The following KCNAB1 variants were observed in gnomAD, a reference collection of about 807,000 sequenced individuals.
The protein encoded by KCNAB1 is potassium voltage-gated channel subfamily A regulatory beta subunit 1, also known as voltage-gated potassium channel subunit beta-1.
Under a neutral mutation model 64.6 loss-of-function variants are expected in KCNAB1, and 35 were observed. The observed-to-expected ratio is 0.54, with a 90% CI of 0.41 to 0.72. The LOEUF (loss-of-function observed/expected upper bound fraction) is 0.72. Ranked by LOEUF, KCNAB1 falls within the 30% of genes least tolerant of loss-of-function variation. The pLI, the probability that KCNAB1 is intolerant of heterozygous loss-of-function variation, is 0.00. For synonymous variants in KCNAB1, 177 were observed against 183.8 expected, an observed-to-expected ratio of 0.96 and a Z score of 0.30; for missense variants, 401 against 512.9, an observed-to-expected ratio of 0.78 and a Z score of 2.11.
At chr3:156,336,076 C>T (rs1388387512) in intron 1 of KCNAB1, among the ~76,000 whole-genome samples, 1 of 151,892 alleles carries the variant, frequency 6.6e-6, no homozygotes, top group African/African-American at 2.4e-5. Flanking sequence ...TTAAAAGTAA[C>T]AGGCCAGGCG....
At chr3:156,522,836 ATTATG>A (rs1718046391) in intron 11 of KCNAB1, among the ~76,000 whole-genome samples, 2 of 123,378 alleles carry the variant, frequency 1.6e-5, no homozygotes, top group Admixed American at 1.8e-4. Flanking sequence ...GCTATTATGT[ATTATG>A]TCACAATTAC....
chr3:156,323,531 C>T (rs185414148), intron 1 of KCNAB1, among the ~76,000 whole-genome samples: 7 of 152,240 alleles, frequency 4.6e-5, no homozygotes, highest in Admixed American at 3.3e-4. Context: ...AGTCTTTCAA[C>T]CATTAAAAAT....
intron 1 of KCNAB1, among the ~76,000 whole-genome samples, chr3:156,156,317 G>A (rs998083139): frequency 6.6e-6 from 1 of 151,154 alleles, no homozygotes; most frequent in Non-Finnish European, 1.5e-5. Flanking sequence ...TAAAGGTGGT[G>A]GCTTCTAGTC....
intron 1 of KCNAB1, among the ~76,000 whole-genome samples, chr3:156,281,337 C>A (rs1241287880): frequency 6.6e-6 from 1 of 152,136 alleles, no homozygotes; most frequent in African/African-American, 2.4e-5. Context: ...GGTGGATAAG[C>A]TTTTTGATGT....
chr3:156,515,583 A>G (rs2679595), intron 10 of KCNAB1, among the ~76,000 whole-genome samples: 78,252 of 152,052 alleles, frequency 0.51, 20,645 homozygotes, highest in African/African-American at 0.62. Context: ...AAAAAAAATC[A>G]TGGATATATA....
At chr3:156,148,122 G>A (rs990656162) in intron 1 of KCNAB1, among the ~76,000 whole-genome samples, 3 of 152,208 alleles carry the variant, frequency 2.0e-5, no homozygotes, top group African/African-American at 7.2e-5. Flanking sequence ...CCTTCTGCCA[G>A]AATCATTGAG....
intron 1 of KCNAB1, among the ~76,000 whole-genome samples, chr3:156,195,675 T>C (rs1159605135): frequency 1.3e-5 from 2 of 152,246 alleles, no homozygotes; most frequent in Non-Finnish European, 2.9e-5. Flanking sequence ...TCTTTGTAGA[T>C]TCTGGATATT....
chr3:156,266,584 G>A (rs570862822), intron 1 of KCNAB1, among the ~76,000 whole-genome samples: 53 of 152,290 alleles, frequency 3.5e-4, no homozygotes, highest in African/African-American at 1.3e-3. Context: ...GCCAACTATA[G>A]AGAGGGTTAA....
chr3:156,143,082 A>G (rs187348492), intron 1 of KCNAB1: 2 of 1,460,830 alleles, frequency 1.4e-6, no homozygotes, highest in Admixed American at 2.6e-5. Context: ...TGAGGGACAT[A>G]CTGAAGCCAG....
intron 1 of KCNAB1, among the ~76,000 whole-genome samples, chr3:156,153,097 A>G (rs1715512347): frequency 6.7e-6 from 1 of 150,132 alleles, no homozygotes; most frequent in Admixed American, 6.6e-5. Context: ...ATATTTGCTG[A>G]ATAAATAAAT....
chr3:156,379,098 C>A (rs1260896357), intron 1 of KCNAB1, among the ~76,000 whole-genome samples: 2 of 152,194 alleles, frequency 1.3e-5, no homozygotes, highest in Non-Finnish European at 2.9e-5. Flanking sequence ...CTGTTTTAAT[C>A]CCTCTGGGAA....
At chr3:156,533,830 G>C (rs1226494251) in intron 13 of KCNAB1, among the ~76,000 whole-genome samples, 2 of 152,188 alleles carry the variant, frequency 1.3e-5, no homozygotes, top group Non-Finnish European at 2.9e-5. Flanking sequence ...CCTGGGGGCA[G>C]TCATAGTGCC....
intron 1 of KCNAB1, among the ~76,000 whole-genome samples, chr3:156,374,065 G>A (rs1711510980): frequency 6.6e-6 from 1 of 152,196 alleles, no homozygotes; most frequent in African/African-American, 2.4e-5. Flanking sequence ...TTCTTCATCT[G>A]TAAGATGAGG....
chr3:156,409,586 G>A (rs1714494734), intron 1 of KCNAB1, among the ~76,000 whole-genome samples: 1 of 152,212 alleles, frequency 6.6e-6, no homozygotes, highest in Non-Finnish European at 1.5e-5. Flanking sequence ...TGTGTTTATG[G>A]GAAGGAGCTT....
chr3:156,502,595 C>G (rs1337735007), intron 8 of KCNAB1, among the ~76,000 whole-genome samples: 1 of 150,110 alleles, frequency 6.7e-6, no homozygotes, highest in East Asian at 1.9e-4. Flanking sequence ...GAATCAGAAA[C>G]TTAGGTGACA....
Position 156,128,893 on chromosome 3 carries a change from A to G in KCNAB1, c.275+8007A>G, listed in dbSNP as rs188161441. On this transcript the variant is annotated intron_variant, in intron 1 of 13. Coordinates refer to ENST00000490337, the MANE Select transcript of KCNAB1 (RefSeq NM_172160.3). ...GCAAGGGTAAGTTTTAAAATAAATG[A>G]GTCAATTGAGAGGAAAACATTCACT... 1.1e-3 allele frequency among the ~76,000 whole-genome samples: 167 copies of G among 152,356 alleles called. 1 individual carries two copies. The highest frequency in any genetic ancestry group is 3.9e-3 in the African/African-American group (162 of 41,582).
At chr3:156,204,395 G>T (rs1714525859) in intron 1 of KCNAB1, among the ~76,000 whole-genome samples, 1 of 152,116 alleles carries the variant, frequency 6.6e-6, no homozygotes, top group Non-Finnish European at 1.5e-5. Context: ...ATGACTCAGG[G>T]TTTGGTAGGC....
At chr3:156,532,837 T>C (rs965513021) in intron 13 of KCNAB1, among the ~76,000 whole-genome samples, 3 of 152,182 alleles carry the variant, frequency 2.0e-5, no homozygotes, top group Non-Finnish European at 4.4e-5. Context: ...ACAGAACAGT[T>C]TGTACAAAAA....
chr3:156,185,589 A>T (rs1227778611), intron 1 of KCNAB1, among the ~76,000 whole-genome samples: 2 of 152,218 alleles, frequency 1.3e-5, no homozygotes, highest in Non-Finnish European at 2.9e-5. Flanking sequence ...TTGGAGAAAG[A>T]TTAGTAAATT....
Sources: allele counts gnomAD v4.1 joint callset (sites outside exome capture counted in the v4.1 genomes callset), GRCh38; gene constraint gnomAD v4.1.1; transcripts MANE v1.5; gene names NCBI Gene and HGNC (gene_info 2026-07-23, HGNC 2026-07-21).